Variants in ITGB5 observed in about 807,000 individuals in gnomAD.
The protein encoded by ITGB5 is integrin subunit beta 5.
ITGB5 carries 38 observed loss-of-function variants against 84.8 expected under a neutral mutation model. The observed-to-expected ratio is 0.45, with a 90% CI of 0.35 to 0.59. The LOEUF (loss-of-function observed/expected upper bound fraction) is 0.59. ITGB5 is among the 20% of genes least tolerant of loss of function. The pLI is 0.01. For synonymous variants in ITGB5, 393 were observed against 414.4 expected (o/e 0.95, Z 0.63); for missense variants, 905 against 1,034.5 (o/e 0.87, Z 1.72).
intron 2 of ITGB5, among the ~76,000 whole-genome samples, chr3:124,869,701 T>C (rs770765951): frequency 6.6e-6 from 1 of 152,136 alleles, no homozygotes; most frequent in African/African-American, 2.4e-5. Flanking sequence ...GCAGGGATCA[T>C]AGGAATTTCT....
chr3:124,848,518 C>T lies in ITGB5; in HGVS notation c.402G>A (p.Glu134=), dbSNP rs146962770. ...TTFQLQVRQV[E]DYPVDLYYLM... is the part of the protein sequence containing the mutation. ...GGTAGTACAGGTCCACAGGATAGTCCTCCACCTGGCGAACCTGTAGCTGGA... is the reference window on the plus strand; with the variant it reads ...GGTAGTACAGGTCCACAGGATAGTCTTCCACCTGGCGAACCTGTAGCTGGA... The change falls in exon 4 of 15, where the codon GAG becomes GAA. Residue 134 remains glutamate (E), a synonymous_variant. Coordinates refer to ENST00000296181, the MANE Select transcript of ITGB5 (RefSeq NM_002213.5). 533 of 1,613,848 alleles carry T rather than the reference C, an allele frequency of 3.3e-4. 3 individuals are homozygous for T. The Middle Eastern group carries it at 4.3e-3, about 13-fold the overall frequency.
chr3:124,854,103 C>T (rs2065192155), intron 3 of ITGB5, among the ~76,000 whole-genome samples: 1 of 152,106 alleles, frequency 6.6e-6, no homozygotes, highest in Non-Finnish European at 1.5e-5. Flanking sequence ...GTTTCCAGTA[C>T]TGAAATAAAA....
intron 9 of ITGB5, among the ~76,000 whole-genome samples, chr3:124,798,288 T>G (rs2064264350): frequency 6.6e-6 from 1 of 151,908 alleles, no homozygotes; most frequent in South Asian, 2.1e-4. Flanking sequence ...CCTGACCTCG[T>G]GATCTGCCCA....
intron 10 of ITGB5, among the ~76,000 whole-genome samples, chr3:124,783,124 C>G (rs1336631869): frequency 6.6e-6 from 1 of 151,688 alleles, no homozygotes; most frequent in East Asian, 1.9e-4. Context: ...AACCCCATCT[C>G]TACTAAAAAT....
upstream of ITGB5, chr3:124,887,653 C>T (rs1331576794): frequency 6.7e-6 from 3 of 447,598 alleles, no homozygotes; most frequent in Admixed American, 7.1e-5. Context: ...CGTTGCTTAG[C>T]CGCCCGTCGC....
chr3:124,796,799 A>G lies in ITGB5; in HGVS notation c.1282T>C (p.Leu428=), dbSNP rs2291090. Residue 428 remains leucine (L), a synonymous_variant, in exon 10 of 15, where the codon TTG becomes CTG. Coordinates refer to ENST00000296181, the MANE Select transcript of ITGB5 (RefSeq NM_002213.5). ...IGDTASFEVS[L]EARSCPSRHT... Reference sequence around the variant, plus strand: ...CTGCTGGGACAGCTTCGGGCCTCCAATGATACTTCAAAAGATGCCTGGGCA... The same window carrying G: ...CTGCTGGGACAGCTTCGGGCCTCCAGTGATACTTCAAAAGATGCCTGGGCA... The G allele has an allele frequency of 1.2e-4, 187 of 1,604,740 alleles. No individual in the cohort carries two copies. The highest frequency in any genetic ancestry group is 6.2e-4 in the South Asian group (56 of 90,090).
chr3:124,806,405 G>T (rs1233989812), intron 9 of ITGB5, among the ~76,000 whole-genome samples: 2 of 141,114 alleles, frequency 1.4e-5, no homozygotes, highest in East Asian at 4.0e-4. Context: ...GGGGTTTTTT[G>T]GTATTTCTGC....
intron 9 of ITGB5, among the ~76,000 whole-genome samples, chr3:124,807,591 T>C (rs1053671243): frequency 7.9e-5 from 12 of 152,114 alleles, no homozygotes; most frequent in Non-Finnish European, 1.6e-4. Flanking sequence ...CCATATGATA[T>C]TTTGAACTGT....
rs964709946 is a variant in ITGB5 at position 124,776,186 on chromosome 3, G to A, written c.1694-2274C>T. 5.3e-5 allele frequency among the ~76,000 whole-genome samples: 8 copies of A among 152,342 alleles called. No homozygotes were observed. The East Asian group carries it at 1.5e-3, about 29-fold the overall frequency. On this transcript the variant is annotated intron_variant, in intron 10 of 14. Coordinates refer to ENST00000296181, the MANE Select transcript of ITGB5 (RefSeq NM_002213.5). ...GCTCAAGGGTTCCATAGCAGAGGCT[G>A]GGGCAATGGGCAGCATGAGCTCATC...
In ITGB5 at chr3:124,841,393, G is replaced by A. The variant is rs773425522; in HGVS notation, c.770C>T (p.Ala257Val). The A allele has an allele frequency of 6.2e-7, 1 of 1,613,718 alleles. No homozygotes were observed. Among genetic ancestry groups the A allele is most frequent in the Non-Finnish European group, 8.5e-7 (1 of 1,179,822 alleles). The change falls in exon 5 of 15, where the codon GCC (alanine) becomes GTC (valine). Residue 257 changes from alanine (A) to valine (V), a missense_variant. Physicochemically the swap from Ala to Val is moderately conservative, Grantham distance 64. This residue lies in a region of ITGB5 where 656 missense variants were observed against 734.7 expected (regional missense o/e 0.89). Coordinates refer to ENST00000296181, the MANE Select transcript of ITGB5 (RefSeq NM_002213.5). ...EGGFDAVLQA[A>V]VCKEKIGWRK... ...AGAAAGGAAAGTTACCTTGCAGACG[G>A]CTGCCTGGAGTACTGCATCAAAGCC...
chr3:124,860,218 T>G (rs2065277303), intron 2 of ITGB5, among the ~76,000 whole-genome samples: 1 of 152,162 alleles, frequency 6.6e-6, no homozygotes, highest in South Asian at 2.1e-4. Context: ...CTTTAAAACT[T>G]GCAAACCTAA....
At chr3:124,898,310 G>A (rs943550294) in intron 1 of ITGB5, among the ~76,000 whole-genome samples, 1 of 151,518 alleles carries the variant, frequency 6.6e-6, no homozygotes, top group Non-Finnish European at 1.5e-5. Flanking sequence ...TGAGACTTAT[G>A]TACCATTTAG....
intron 2 of ITGB5, among the ~76,000 whole-genome samples, chr3:124,861,564 ATTTT>A (rs34687815): frequency 7.7e-6 from 1 of 129,446 alleles, no homozygotes; most frequent in Non-Finnish European, 1.6e-5. Context: ...CTGGCCTTAG[ATTTT>A]TTTTTTTTTT....
At chr3:124,850,711 CAA>C (rs3836318) in intron 3 of ITGB5, among the ~76,000 whole-genome samples, 101 of 148,650 alleles carry the variant, frequency 6.8e-4, no homozygotes, top group African/African-American at 2.1e-3. Context: ...TTTAAAAAAA[CAA>C]AAAAAAAAAC....
intron 1 of ITGB5, among the ~76,000 whole-genome samples, chr3:124,874,306 GAAAAAA>G (rs59287818): frequency 1.1e-4 from 12 of 113,364 alleles, no homozygotes; most frequent in East Asian, 2.7e-4. Flanking sequence ...TCAAAAGCCG[GAAAAAA>G]AAAAAAAAAA....
intron 2 of ITGB5, among the ~76,000 whole-genome samples, chr3:124,861,372 C>T (rs543977929): frequency 8.0e-5 from 12 of 150,920 alleles, no homozygotes; most frequent in Non-Finnish European, 1.2e-4. Flanking sequence ...GAGGCTGAGG[C>T]GGGAGGATCG....
At chr3:124,809,372 C>A (rs1431321786) in intron 8 of ITGB5, 2 of 542,200 alleles carry the variant, frequency 3.7e-6, no homozygotes, top group African/African-American at 3.8e-5. Context: ...AGGTCTCCCT[C>A]TGTGAGTTTG....
At chr3:124,844,205 CAAAAAAAAAAAAA>C (rs58956636) in intron 4 of ITGB5, among the ~76,000 whole-genome samples, 120 of 85,916 alleles carry the variant, frequency 1.4e-3, no homozygotes, top group East Asian at 2.3e-3. Context: ...TTGGTTTTGG[CAAAAAAAAAAAAA>C]AAAAAAAAAA....
rs1325657009 is a variant in ITGB5 at position 124,873,632 on chromosome 3, C to G, written c.71-101G>C. The G allele has an allele frequency of 8.0e-6, 7 of 878,376 alleles. No homozygotes were observed. In the Admixed American group the frequency reaches 1.0e-4, roughly 13 times the overall value. The allele number at this position is 878,376 out of a possible 1,614,324, so 54.4% of individuals were successfully genotyped here. The stretch of plus-strand genomic sequence containing the variant: ...ATTACATCCTTCTTTAACAGGAGGC[C>G]TCTCTGAGTCTAAAGGGTGCAGGTA... On this transcript the variant is annotated intron_variant, in intron 1 of 14. Transcript: ENST00000296181.
Sources: gnomAD v4.1 joint callset for allele counts (sites outside exome capture counted in the v4.1 genomes callset) on GRCh38, gnomAD v4.1.1 for gene constraint, gnomAD v4.1.1 regional missense constraint, MANE v1.5 for transcripts, NCBI Gene and HGNC (gene_info 2026-07-23, HGNC 2026-07-21) for gene names.